CTNNA2: variants seen among roughly 807,000 people sequenced by gnomAD.
CTNNA2 encodes the protein catenin alpha 2, also known as catenin alpha-2.
In CTNNA2, 42 loss-of-function variants were observed where a neutral mutation model predicts 101.0. The observed-to-expected ratio is 0.42, with a 90% CI of 0.32 to 0.54. The LOEUF (loss-of-function observed/expected upper bound fraction) is 0.54. CTNNA2 is among the 20% of genes least tolerant of loss of function. The pLI is 0.14. For synonymous variants in CTNNA2, 450 were observed against 456.4 expected, an observed-to-expected ratio of 0.99 and a Z score of 0.18; for missense variants, 871 against 1,223.1, an observed-to-expected ratio of 0.71 and a Z score of 4.29.
chr2:79,999,624 A>G (rs1428695661), intron 7 of CTNNA2, among the ~76,000 whole-genome samples: 1 of 152,166 alleles, frequency 6.6e-6, no homozygotes, highest in Admixed American at 6.5e-5. Flanking sequence ...AAACCTGTGC[A>G]GGGGGCATTG....
chr2:80,013,860 C>T (rs1213506442), intron 7 of CTNNA2, among the ~76,000 whole-genome samples: 1 of 152,192 alleles, frequency 6.6e-6, no homozygotes, highest in African/African-American at 2.4e-5. Flanking sequence ...CGAATTCTCT[C>T]TGCTGGCTCC....
intron 7 of CTNNA2, among the ~76,000 whole-genome samples, chr2:80,310,581 T>C (rs190284143): frequency 4.9e-4 from 75 of 152,308 alleles, no homozygotes; most frequent in African/African-American, 1.8e-3. Context: ...GGAGGTAAGT[T>C]GGAGGTGCAT....
chr2:79,586,140 C>G (rs974808501), intron 1 of CTNNA2, among the ~76,000 whole-genome samples: 4 of 152,142 alleles, frequency 2.6e-5, no homozygotes, highest in Non-Finnish European at 5.9e-5. Context: ...CCTCCTTTCT[C>G]TCTGCTGTCT....
At chr2:80,378,577 A>G (rs11904259) in intron 7 of CTNNA2, 7,138 of 152,112 alleles carry the variant, frequency 0.047, 310 homozygotes, top group East Asian at 0.13. Flanking sequence ...GCAGTTTAGG[A>G]GTTATTGTCA....
rs568714515 is a variant in CTNNA2 at position 79,839,054 on chromosome 2, A to G, written c.299-18959A>G. The stretch of plus-strand genomic sequence containing the variant: ...ATTAATTTATTAATCTTTTAAGCGC[A>G]CCCTATTCTGAATTGCAGTCCTCTG... On this transcript the variant is annotated intron_variant, in intron 3 of 18. Transcript: ENST00000402739. 8.4e-4 allele frequency among the ~76,000 whole-genome samples: 128 copies of G among 152,162 alleles called. 1 individual carries two copies. Among genetic ancestry groups the G allele is most frequent in the Non-Finnish European group, 1.6e-3 (107 of 67,930 alleles).
intron 3 of CTNNA2, among the ~76,000 whole-genome samples, chr2:79,857,671 TATC>T (rs774760035): frequency 2.0e-5 from 3 of 152,194 alleles, no homozygotes; most frequent in Non-Finnish European, 4.4e-5. Context: ...AGTTGCCTGG[TATC>T]ATTGGTTCCA....
intron 1 of CTNNA2, among the ~76,000 whole-genome samples, chr2:79,545,110 C>T (rs577585382): frequency 6.6e-6 from 1 of 152,264 alleles, no homozygotes; most frequent in East Asian, 1.9e-4. Flanking sequence ...TTGTCAGCCC[C>T]CTTACTCACT....
intron 3 of CTNNA2, among the ~76,000 whole-genome samples, chr2:79,746,610 A>G (rs574341303): frequency 6.6e-6 from 1 of 152,282 alleles, no homozygotes; most frequent in South Asian, 2.1e-4. Flanking sequence ...AAAGTTTCCT[A>G]GATCTTACCT....
In CTNNA2 at chr2:80,647,866, C is replaced by T. The variant is rs565960884; in HGVS notation, c.2856C>T (p.Ser952=). 2 of 1,580,226 alleles carry T rather than the reference C, an allele frequency of 1.3e-6. No individual in the cohort carries two copies. The highest frequency in any genetic ancestry group is 2.3e-5 in the East Asian group (1 of 44,306). ...TAAGTGAATTCAAAGCAATGGATTC[C>T]TTCTAGGACGATAGGTTTTAACAAG... ...QALSEFKAMD[S]F is the part of the protein sequence containing the mutation. Residue 952 remains serine (S), a synonymous_variant, in exon 19 of 19, where the codon TCC becomes TCT. Coordinates refer to ENST00000402739, the MANE Select transcript of CTNNA2 (RefSeq NM_001282597.3).
intron 7 of CTNNA2, among the ~76,000 whole-genome samples, chr2:80,280,646 A>G (rs1674304176): frequency 1.3e-5 from 2 of 152,068 alleles, no homozygotes; most frequent in Admixed American, 6.5e-5. Context: ...AGTTTCTGTT[A>G]CCCACAGTCA....
At chr2:80,243,286 T>C (rs1239278041) in intron 7 of CTNNA2, among the ~76,000 whole-genome samples, 2 of 152,220 alleles carry the variant, frequency 1.3e-5, no homozygotes, top group Admixed American at 6.5e-5. Context: ...ATAATTGTTA[T>C]CTAATAAACT....
intron 3 of CTNNA2, among the ~76,000 whole-genome samples, chr2:79,329,360 C>T (rs1342068811): frequency 6.6e-6 from 1 of 152,126 alleles, no homozygotes; most frequent in East Asian, 1.9e-4. Flanking sequence ...CTGTAAATAA[C>T]TCTAATGTGG....
At chr2:80,010,899 C>A (rs536562073) in intron 7 of CTNNA2, among the ~76,000 whole-genome samples, 23 of 152,176 alleles carry the variant, frequency 1.5e-4, no homozygotes, top group African/African-American at 4.6e-4. Context: ...AATTGAAGAT[C>A]TTCGAAATCT....
At chr2:79,513,786 C>A (rs1671659300) in intron 1 of CTNNA2, among the ~76,000 whole-genome samples, 1 of 152,188 alleles carries the variant, frequency 6.6e-6, no homozygotes, top group Non-Finnish European at 1.5e-5. Context: ...AGCCCCCATA[C>A]CCCTCTTCAG....
chr2:79,727,229 A>G (rs1421487103), intron 2 of CTNNA2, among the ~76,000 whole-genome samples: 1 of 152,238 alleles, frequency 6.6e-6, no homozygotes, highest in Non-Finnish European at 1.5e-5. Context: ...TAGTGGTACT[A>G]TACAAATATA....
intron 12 of CTNNA2, among the ~76,000 whole-genome samples, chr2:80,562,413 G>A (rs181314644): frequency 2.0e-5 from 3 of 152,182 alleles, no homozygotes; most frequent in African/African-American, 4.8e-5. Flanking sequence ...TAAAAACTAC[G>A]CTGAGAAACC....
chr2:79,989,645 A>C (rs1558705172), intron 7 of CTNNA2, among the ~76,000 whole-genome samples: 1 of 152,068 alleles, frequency 6.6e-6, no homozygotes, highest in Admixed American at 6.6e-5. Flanking sequence ...TGCCTCAAAT[A>C]AACAACAACA....
intron 7 of CTNNA2, among the ~76,000 whole-genome samples, chr2:80,090,606 T>A (rs1699736815): frequency 6.6e-6 from 1 of 152,086 alleles, no homozygotes; most frequent in Admixed American, 6.6e-5. Flanking sequence ...TTGAACCTCA[T>A]CTTATGCAGT....
Position 79,285,429 on chromosome 2 carries a change from G to A in CTNNA2, c.-405-27280G>A, listed in dbSNP as rs1485118684. On this transcript the variant is annotated intron_variant, in intron 2 of 21. Transcript: ENST00000466387. ...TCCCTCTACACACTGCTTTGAATGC[G>A]TCCCAGAGATTCTGGTATGTTGTGT... is the stretch of plus-strand genomic sequence containing the variant. Among the ~76,000 whole-genome samples, 162 of 148,026 alleles carry A rather than the reference G, an allele frequency of 1.1e-3. 1 individual carries two copies. The highest frequency in any genetic ancestry group is 2.9e-3 in the African/African-American group (117 of 39,970).
Sources: allele counts gnomAD v4.1 joint callset (sites outside exome capture counted in the v4.1 genomes callset), GRCh38; gene constraint gnomAD v4.1.1; transcripts MANE v1.5; gene names NCBI Gene and HGNC (gene_info 2026-07-23, HGNC 2026-07-21).